Variants in AKAP6 observed in about 807,000 individuals in gnomAD.
AKAP6 encodes the protein A-kinase anchoring protein 6, also known as A-kinase anchor protein 6.
AKAP6 carries 58 observed loss-of-function variants against 188.5 expected under a neutral mutation model. The observed-to-expected ratio is 0.31, with a 90% CI of 0.25 to 0.38. AKAP6 has a LOEUF of 0.38. Ranked by LOEUF, AKAP6 falls within the 10% of genes least tolerant of loss-of-function variation. The pLI, the probability that AKAP6 is intolerant of heterozygous loss-of-function variation, is 1.00. For missense variants in AKAP6, 2,710 were observed against 2,740.0 expected (o/e 0.99, Z 0.24); for synonymous variants, 989 against 998.6 (o/e 0.99, Z 0.18).
intron 2 of AKAP6, among the ~76,000 whole-genome samples, chr14:32,523,468 C>G (rs1355891363): frequency 6.8e-6 from 1 of 147,892 alleles, no homozygotes; most frequent in Non-Finnish European, 1.5e-5. Flanking sequence ...ACCTCTCTCT[C>G]TCTCTTTTTT....
At chr14:32,488,024 G>A (rs1879797793) in intron 2 of AKAP6, among the ~76,000 whole-genome samples, 1 of 152,236 alleles carries the variant, frequency 6.6e-6, no homozygotes, top group African/African-American at 2.4e-5. Context: ...CACTTGAGGA[G>A]GCAGTCTGTC....
At chr14:32,701,648 G>T (rs866463464) in intron 9 of AKAP6, among the ~76,000 whole-genome samples, 18 of 152,162 alleles carry the variant, frequency 1.2e-4, no homozygotes, top group Admixed American at 2.6e-4. Flanking sequence ...TATAACTATT[G>T]ATATCAAAAT....
At chr14:32,577,444 C>T (rs969513212) in intron 5 of AKAP6, among the ~76,000 whole-genome samples, 3 of 152,076 alleles carry the variant, frequency 2.0e-5, no homozygotes. Flanking sequence ...TTTCAAGCTA[C>T]CTTTTCAAAG....
At chr14:32,658,241 C>T (rs892868298) in intron 7 of AKAP6, among the ~76,000 whole-genome samples, 1 of 152,048 alleles carries the variant, frequency 6.6e-6, no homozygotes, top group Non-Finnish European at 1.5e-5. Flanking sequence ...CAAAAGTCTC[C>T]TGCCTTGCAA....
intron 12 of AKAP6, among the ~76,000 whole-genome samples, chr14:32,784,081 T>C (rs1486812791): frequency 6.6e-6 from 1 of 152,190 alleles, no homozygotes; most frequent in African/African-American, 2.4e-5. Context: ...AAATTATATC[T>C]AAATGGGCTA....
intron 7 of AKAP6, among the ~76,000 whole-genome samples, chr14:32,655,004 A>G (rs1476770852): frequency 1.2e-4 from 19 of 152,218 alleles, no homozygotes; most frequent in Non-Finnish European, 2.9e-5. Context: ...TTTGGGTGGT[A>G]AAATATTTTC....
chr14:32,514,690 C>T (rs1043218286), intron 2 of AKAP6, among the ~76,000 whole-genome samples: 15 of 152,088 alleles, frequency 9.9e-5, no homozygotes, highest in African/African-American at 3.1e-4. Flanking sequence ...TTGATAGATT[C>T]TTTACAAGAT....
chr14:32,718,110 C>A (rs2139776460), intron 9 of AKAP6, among the ~76,000 whole-genome samples: 1 of 152,266 alleles, frequency 6.6e-6, no homozygotes, highest in African/African-American at 2.4e-5. Context: ...CCAAGCTAAG[C>A]TGAAATTCCT....
At chr14:32,716,559 C>G (rs1021913504) in intron 9 of AKAP6, among the ~76,000 whole-genome samples, 1 of 148,860 alleles carries the variant, frequency 6.7e-6, no homozygotes, top group Non-Finnish European at 1.5e-5. Context: ...TATGTACTCT[C>G]TCTAAATATG....
intron 2 of AKAP6, among the ~76,000 whole-genome samples, chr14:32,492,355 T>TATAG: frequency 7.3e-4 from 60 of 82,594 alleles, no homozygotes; most frequent in African/African-American, 1.8e-3. Flanking sequence ...TATATATATA[T>TATAG]AGAGAGAGAG....
chr14:32,810,934 C>T (rs1014089382), intron 12 of AKAP6, among the ~76,000 whole-genome samples: 1 of 152,084 alleles, frequency 6.6e-6, no homozygotes, highest in Non-Finnish European at 1.5e-5. Flanking sequence ...CCTTGACAGG[C>T]TTAGTTAAGA....
chr14:32,534,803 T>A (rs1317146522), intron 2 of AKAP6, among the ~76,000 whole-genome samples: 1 of 151,764 alleles, frequency 6.6e-6, no homozygotes, highest in African/African-American at 2.4e-5. Flanking sequence ...CCGTCTGTAC[T>A]AAAAACACAA....
Position 32,410,453 on chromosome 14 carries a change from T to G in AKAP6, c.-34-23007T>G, listed in dbSNP as rs137872601. Among the ~76,000 whole-genome samples, 379 of 152,318 alleles carry G rather than the reference T, an allele frequency of 2.5e-3. 4 individuals carry two copies. The highest frequency in any genetic ancestry group is 8.7e-3 in the African/African-American group (360 of 41,576). ...TCCAAACCAATGTACATCTTAAATG[T>G]ATTTGTTTGATGTCTCATGTCTCCC... On this transcript the variant is annotated intron_variant, in intron 1 of 13. Transcript: ENST00000280979.
chr14:32,368,414 T>G (rs1016664115), intron 1 of AKAP6, among the ~76,000 whole-genome samples: 1 of 152,166 alleles, frequency 6.6e-6, no homozygotes, highest in Non-Finnish European at 1.5e-5. Flanking sequence ...CAATAATTGT[T>G]AGCTGTAAAG....
At chr14:32,594,729 A>C (rs1405741110) in intron 5 of AKAP6, among the ~76,000 whole-genome samples, 1 of 152,202 alleles carries the variant, frequency 6.6e-6, no homozygotes, top group African/African-American at 2.4e-5. Flanking sequence ...GGCTTTTCTG[A>C]CTGAACACAC....
At chr14:32,806,937 C>T (rs1429648199) in intron 12 of AKAP6, among the ~76,000 whole-genome samples, 1 of 151,600 alleles carries the variant, frequency 6.6e-6, no homozygotes, top group African/African-American at 2.4e-5. Context: ...ACTTGTAGTC[C>T]CAGCTACTTG....
At chr14:32,459,012 G>T (rs888690988) in intron 2 of AKAP6, among the ~76,000 whole-genome samples, 3 of 152,066 alleles carry the variant, frequency 2.0e-5, no homozygotes, top group Non-Finnish European at 2.9e-5. Context: ...AAAAGATAGA[G>T]AAAATGTTAT....
intron 1 of AKAP6, among the ~76,000 whole-genome samples, chr14:32,422,208 C>CA (rs5807658): frequency 0.012 from 1,844 of 152,250 alleles, 47 homozygotes; most frequent in African/African-American, 0.042. Flanking sequence ...CACAGACCTC[C>CA]AAGACTAACA....
chr14:32,729,030 T>C (rs1339791233), intron 9 of AKAP6, among the ~76,000 whole-genome samples: 2 of 152,166 alleles, frequency 1.3e-5, no homozygotes, highest in African/African-American at 4.8e-5. Context: ...TTTATTTTTT[T>C]TATTTACCAG....
Sources: allele counts gnomAD v4.1 joint callset (sites outside exome capture counted in the v4.1 genomes callset), GRCh38; gene constraint gnomAD v4.1.1; transcripts MANE v1.5; gene names NCBI Gene and HGNC (gene_info 2026-07-23, HGNC 2026-07-21).